KISS1R: variants seen among roughly 807,000 people sequenced by gnomAD.
KISS1R encodes kiSS-1 receptor.
Under a neutral mutation model 22.0 loss-of-function variants are expected in KISS1R, and 19 were observed. The ratio of observed to expected loss-of-function variants is 0.86; its 90% CI spans 0.60 to 1.26. KISS1R has a LOEUF of 1.26. Ranked by LOEUF, KISS1R falls within the 50% of genes most tolerant of loss-of-function variation. The pLI is 0.00. For missense variants in KISS1R, 653 were observed against 581.9 expected (o/e 1.12, Z -1.26); for synonymous variants, 302 against 283.9 (o/e 1.06, Z -0.64).
chr19:920,829 T>C lies in KISS1R; in HGVS notation c.*81T>C. ...CGGCTATTCTTCTGTTATTAGTATT[T>C]TTCTTACTGTCCAAGATCAACTGTG... On this transcript the variant is annotated 3_prime_UTR_variant, in exon 5 of 5. Coordinates refer to ENST00000234371, the MANE Select transcript of KISS1R (RefSeq NM_032551.5). 8.1e-7 allele frequency: 1 copy of C among 1,228,584 alleles called. No individual in the cohort carries two copies. The highest frequency in any genetic ancestry group is 1.0e-6 in the Non-Finnish European group (1 of 985,004). The allele number at this position is 1,228,584 out of a possible 1,614,324, so 76.1% of individuals were successfully genotyped here. A position where few individuals can be genotyped will look rare whatever the true frequency, so the allele number is the denominator to read the frequency against.
intron 2 of KISS1R, among the ~76,000 whole-genome samples, chr19:918,953 T>G (rs1363971458): frequency 8.5e-5 from 2 of 23,416 alleles, no homozygotes; most frequent in African/African-American, 1.8e-4. Flanking sequence ...GAGGCGCACG[T>G]GGGGACGAGG....
At position 917,571 on chromosome 19, in the gene KISS1R, G is replaced by T; in HGVS notation, c.69G>T (p.Pro23=). The change falls in exon 1 of 5, where the codon CCG becomes CCT. Residue 23 remains proline (P), a synonymous_variant. Transcript: ENST00000234371. ...WGAPANASGC[P]GCGANASDGP... ...CACCGGCCAACGCCTCCGGCTGCCC[G>T]GGCTGTGGCGCCAACGCCTCGGACG... 2 of 1,532,772 alleles carry T rather than the reference G, an allele frequency of 1.3e-6. No homozygotes were observed. Among genetic ancestry groups the T allele is most frequent in the South Asian group, 2.4e-5 (2 of 83,328 alleles). The allele number at this position is 1,532,772 out of a possible 1,614,324, so 94.9% of individuals were successfully genotyped here. A position where few individuals can be genotyped will look rare whatever the true frequency, so the allele number is the denominator to read the frequency against.
Position 917,444 on chromosome 19 carries a change from C to G in KISS1R, c.-59C>G. 1 of 1,382,730 alleles carries G rather than the reference C, an allele frequency of 7.2e-7. No individual in the cohort carries two copies. The highest frequency in any genetic ancestry group is 9.3e-7 in the Non-Finnish European group (1 of 1,076,612). The allele number at this position is 1,382,730 out of a possible 1,614,324, so 85.7% of individuals were successfully genotyped here. A position where few individuals can be genotyped will look rare whatever the true frequency, so the allele number is the denominator to read the frequency against. On this transcript the variant is annotated 5_prime_UTR_variant, in exon 1 of 5. Coordinates refer to ENST00000234371, the MANE Select transcript of KISS1R (RefSeq NM_032551.5). Reference sequence around the variant, plus strand: ...CCGGGCGGTCGGGCGGAGGGGTCCCCGGGGCGGTGCCAGGGCGCAATCCTG... The same window carrying G: ...CCGGGCGGTCGGGCGGAGGGGTCCCGGGGGCGGTGCCAGGGCGCAATCCTG...
chr19:918,418 G>C (rs893034917), intron 1 of KISS1R, 126 bp from the exon 2 acceptor site: 229 of 1,120,010 alleles, frequency 2.0e-4, no homozygotes, highest in Middle Eastern at 8.9e-4. Context: ...GGGAGGGGGG[G>C]GCCTCCCTGA....
Position 919,902 on chromosome 19 carries a change from C to G in KISS1R, c.534C>G (p.Leu178=). Residue 178 remains leucine, a synonymous_variant, in exon 4 of 5, where the codon CTC becomes CTG. Transcript: ENST00000234371. The part of the protein sequence containing the change: ...VGSAAVSAPV[L]ALHRLSPGPR... ...CTGCGGCGGTGTCTGCGCCGGTGCT[C>G]GCCCTGCACCGCCTGTCACCCGGGC... The G allele has an allele frequency of 1.3e-6, 2 of 1,544,228 alleles. No individual in the cohort carries two copies. The highest frequency in any genetic ancestry group is 2.4e-5 in the East Asian group (1 of 41,062).
chr19:919,752 C>T, intron 3 of KISS1R, 122 bp from the exon 4 acceptor site: 1 of 1,498,800 alleles, frequency 6.7e-7, no homozygotes. Flanking sequence ...TGCCTAGGGC[C>T]AGCGAGGCTG....
chr19:917,606 C>T lies in KISS1R; in HGVS notation c.104C>T (p.Pro35Leu), dbSNP rs770166092. The part of the protein sequence containing the change: ...CGANASDGPV[P>L]SPRAVDAWLV... ...GCCAACGCCTCGGACGGCCCAGTCC[C>T]TTCGCCGCGGGCCGTGGACGCCTGG... Residue 35 changes from proline to leucine, a missense_variant, in exon 1 of 5, where the codon CCT becomes CTT. Transcript: ENST00000234371. The T allele has an allele frequency of 4.5e-6, 7 of 1,562,990 alleles. No individual in the cohort carries two copies. In the African/African-American group the frequency reaches 8.1e-5, roughly 18 times the overall value.
rs1030604404 is a variant in KISS1R, at chr19:917,785, G to C, written c.244+39G>C. 1.9e-6 allele frequency: 3 copies of C among 1,570,530 alleles called. No homozygotes were observed. In the African/African-American group the frequency reaches 4.1e-5, roughly 22 times the overall value. On this transcript the variant is annotated intron_variant, in intron 1 of 4. Transcript: ENST00000234371. ...CTGCGCCGCACCTGCTGCCGTCCCG[G>C]GGGCTCCGAGGGCCGAGCGGCCTGG...
Position 919,478 on chromosome 19 carries a change from C to A in KISS1R, c.370-12C>A, listed in dbSNP as rs769863455. Reference sequence around the variant, plus strand: ...CGCAGGTGGCCACACGCCCGGCTGGCGGCTCCCGCAGGTCTCGGTGCAGGC... The same window carrying A: ...CGCAGGTGGCCACACGCCCGGCTGGAGGCTCCCGCAGGTCTCGGTGCAGGC... On this transcript the variant is annotated splice_polypyrimidine_tract_variant and intron_variant, in intron 2 of 4. Transcript: ENST00000234371. The A allele has an allele frequency of 1.5e-5, 23 of 1,543,926 alleles. No homozygotes were observed. The South Asian group carries it at 2.1e-4, about 14-fold the overall frequency.
At position 917,708 on chromosome 19, in the gene KISS1R, G is replaced by T; in HGVS notation, c.206G>T (p.Arg69Leu). The change falls in exon 1 of 5, where the codon CGC becomes CTC. Residue 69 changes from arginine (R) to leucine (L), a missense_variant. By Grantham distance (102) the Arg-to-Leu change is moderately radical. Coordinates refer to ENST00000234371, the MANE Select transcript of KISS1R (RefSeq NM_032551.5). ...TCGCTGGTCATCTACGTCATCTGCC[G>T]CCACAAGCCGATGCGGACCGTGACC... ...GNSLVIYVIC[R>L]HKPMRTVTNF... 1 of 1,601,078 alleles carries T rather than the reference G, an allele frequency of 6.2e-7. No homozygotes were observed. Among genetic ancestry groups the T allele is most frequent in the Non-Finnish European group, 8.5e-7 (1 of 1,174,958 alleles).
intron 1 of KISS1R, 105 bp from the exon 2 acceptor site, chr19:918,439 T>C: frequency 2.2e-6 from 3 of 1,359,388 alleles, no homozygotes; most frequent in South Asian, 1.3e-5. Context: ...GCCATCCTGC[T>C]GGTCACTCGG....
In KISS1R at chr19:920,685, A is replaced by G; in HGVS notation, c.1134A>G (p.Pro378=). 2 of 1,323,260 alleles carry G rather than the reference A, an allele frequency of 1.5e-6. No homozygotes were observed. Among genetic ancestry groups the G allele is most frequent in the Non-Finnish European group, 1.9e-6 (2 of 1,038,394 alleles). 82.0% of individuals were successfully genotyped at this position (1,323,260 alleles called of 1,614,324 possible). The change falls in exon 5 of 5, where the codon CCA becomes CCG. Residue 378 remains proline, a synonymous_variant. Transcript: ENST00000234371. ...SHPAPARAQK[P]GSSGLAARGL... ...CGGCCCCCGCCAGGGCGCAGAAGCC[A>G]GGGAGCAGTGGGCTGGCCGCGCGCG...
intron 3 of KISS1R, 61 bp from the exon 4 acceptor site, chr19:919,813 G>A (rs1599370654): frequency 4.6e-6 from 7 of 1,513,440 alleles, no homozygotes; most frequent in African/African-American, 1.4e-5. Flanking sequence ...CGCCTCCCGG[G>A]GAGGCACGTG....
In KISS1R at chr19:921,005, A is replaced by T. The variant is rs1247164774; in HGVS notation, c.*257A>T. 2.9e-5 allele frequency: 9 copies of T among 311,150 alleles called. No individual in the cohort carries two copies. Among genetic ancestry groups the T allele is most frequent in the Non-Finnish European group, 4.6e-5 (8 of 175,006 alleles). 19.3% of individuals were successfully genotyped at this position (311,150 alleles called of 1,614,324 possible). ...TCCAGAAAGTGTCAGACGTTTTCTC[A>T]TTGTCTTGTAGTTGACTGTCACTGT... On this transcript the variant is annotated 3_prime_UTR_variant, in exon 5 of 5. Coordinates refer to ENST00000234371, the MANE Select transcript of KISS1R (RefSeq NM_032551.5).
At chr19:918,262 C>A (rs989969174) in intron 1 of KISS1R, among the ~76,000 whole-genome samples, 1 of 152,260 alleles carries the variant, frequency 6.6e-6, no homozygotes, top group Non-Finnish European at 1.5e-5. Flanking sequence ...CCTGCTTAGG[C>A]TCCCCCAGCC....
chr19:920,703 C>A lies in KISS1R; in HGVS notation c.1152C>A (p.Ala384=). 1 of 1,308,178 alleles carries A rather than the reference C, an allele frequency of 7.6e-7. No individual in the cohort carries two copies. Among genetic ancestry groups the A allele is most frequent in the Non-Finnish European group, 9.7e-7 (1 of 1,029,460 alleles). The allele number at this position is 1,308,178 out of a possible 1,614,324, so 81.0% of individuals were successfully genotyped here. A position where few individuals can be genotyped will look rare whatever the true frequency, so the allele number is the denominator to read the frequency against. The change falls in exon 5 of 5, where the codon GCC becomes GCA. Residue 384 remains alanine, a synonymous_variant. Transcript: ENST00000234371. The part of the protein sequence containing the change: ...RAQKPGSSGL[A]ARGLCVLGED... ...AGAAGCCAGGGAGCAGTGGGCTGGC[C>A]GCGCGCGGGCTGTGCGTCCTGGGGG...
Position 917,669 on chromosome 19 carries a change from G to C in KISS1R, c.167G>C (p.Gly56Ala). 1 of 1,595,456 alleles carries C rather than the reference G, an allele frequency of 6.3e-7. No individual in the cohort carries two copies. Among genetic ancestry groups the C allele is most frequent in the Non-Finnish European group, 8.5e-7 (1 of 1,172,540 alleles). ...PLFFAALMLL[G>A]LVGNSLVIYV... ...TTCTTCGCGGCGCTGATGCTGCTGGGCCTGGTGGGGAACTCGCTGGTCATC... is the reference window on the plus strand; with the variant it reads ...TTCTTCGCGGCGCTGATGCTGCTGGCCCTGGTGGGGAACTCGCTGGTCATC... Residue 56 changes from glycine to alanine, a missense_variant, in exon 1 of 5, where the codon GGC (glycine) becomes GCC (alanine). Coordinates refer to ENST00000234371, the MANE Select transcript of KISS1R (RefSeq NM_032551.5).
At chr19:918,700 A>C in intron 2 of KISS1R, 32 bp downstream of exon 2, 1 of 1,502,340 alleles carries the variant, frequency 6.7e-7, no homozygotes, top group Non-Finnish European at 8.9e-7. Context: ...GAGAGGGCGC[A>C]CTTGGGGACG....
chr19:917,735 A>C lies in KISS1R; in HGVS notation c.233A>C (p.Asn78Thr). Residue 78 changes from asparagine (N) to threonine (T), a missense_variant, in exon 1 of 5, where the codon AAC (asparagine) becomes ACC (threonine). Coordinates refer to ENST00000234371, the MANE Select transcript of KISS1R (RefSeq NM_032551.5). ...CACAAGCCGATGCGGACCGTGACCA[A>C]CTTCTACATCGGTGAGTGCGGGCGC... ...CRHKPMRTVTNFYIANLAATD... is the reference protein window; with the variant it reads ...CRHKPMRTVTTFYIANLAATD... 6.2e-7 allele frequency: 1 copy of C among 1,606,524 alleles called. No homozygotes were observed. The highest frequency in any genetic ancestry group is 1.3e-5 in the African/African-American group (1 of 74,784).
Sources: gnomAD v4.1 joint callset for allele counts (sites outside exome capture counted in the v4.1 genomes callset) on GRCh38, gnomAD v4.1.1 for gene constraint, MANE v1.5 for transcripts, NCBI Gene and HGNC (gene_info 2026-07-23, HGNC 2026-07-21) for gene names.